RREB1: variants seen among roughly 807,000 people sequenced by gnomAD.
RREB1 encodes ras responsive element binding protein 1, also known as ras-responsive element-binding protein 1.
RREB1 carries 27 observed loss-of-function variants against 117.8 expected under a neutral mutation model. That is an observed-to-expected ratio of 0.23 (90% CI 0.17 to 0.32). RREB1 has a LOEUF of 0.32. Ranked by LOEUF, RREB1 falls within the 10% of genes least tolerant of loss-of-function variation. The pLI is 1.00. For missense variants in RREB1, 2,577 were observed against 2,378.2 expected, an observed-to-expected ratio of 1.08 and a Z score of -1.74; for synonymous variants, 1,298 against 1,026.7, an observed-to-expected ratio of 1.26 and a Z score of -5.05.
chr6:7,214,282 A>ATG (rs1766778978), intron 8 of RREB1: 1 of 152,238 alleles, frequency 6.6e-6, no homozygotes, highest in Admixed American at 6.5e-5. Context: ...TTTACTAATA[A>ATG]TGCCCTGTGT....
rs12663866 is a variant in RREB1 at position 7,130,512 on chromosome 6, T to C, written c.-285+22452T>C. Among the ~76,000 whole-genome samples the C allele has an allele frequency of 3.9e-3, 592 of 152,286 alleles. 29 individuals carry two copies. In the East Asian group the frequency reaches 0.097, roughly 25 times the overall value. On this transcript the variant is annotated intron_variant, in intron 1 of 12. Coordinates refer to ENST00000379938, the MANE Select transcript of RREB1 (RefSeq NM_001003699.4). ...CCTGGTCTTGGGGGCATAGTGTTCT[T>C]CCCCAGAATTGCTTTTCCCAGCTGT...
At chr6:7,246,027 AAAAT>A (rs1768994658) in intron 11 of RREB1, among the ~76,000 whole-genome samples, 1 of 152,198 alleles carries the variant, frequency 6.6e-6, no homozygotes, top group South Asian at 2.1e-4. Flanking sequence ...TTGCACTGGA[AAAAT>A]AACTTATAAC....
In RREB1 at chr6:7,181,960, A is replaced by G. The variant is rs952300888; in HGVS notation, c.49A>G (p.Ile17Val). The change falls in exon 4 of 13, where the codon ATC becomes GTC. Residue 17 changes from isoleucine (I) to valine (V), a missense_variant. Coordinates refer to ENST00000379938, the MANE Select transcript of RREB1 (RefSeq NM_001003699.4). ...CTTGGAAGGTTCAGACCTATCTTCCATCAACACCATGATGTCGGCGGTCAT... is the reference window on the plus strand; with the variant it reads ...CTTGGAAGGTTCAGACCTATCTTCCGTCAACACCATGATGTCGGCGGTCAT... ...AGLEGSDLSS[I>V]NTMMSAVMSV... 8 of 1,614,100 alleles carry G rather than the reference A, an allele frequency of 5.0e-6. No homozygotes were observed. In the African/African-American group the frequency reaches 5.3e-5, roughly 11 times the overall value.
chr6:7,163,587 G>A (rs190372222), intron 1 of RREB1, among the ~76,000 whole-genome samples: 1 of 152,134 alleles, frequency 6.6e-6, no homozygotes, highest in African/African-American at 2.4e-5. Flanking sequence ...GTAGAGATGG[G>A]GTTTCACCGT....
At chr6:7,129,250 G>T (rs954425713) in intron 1 of RREB1, among the ~76,000 whole-genome samples, 8 of 152,188 alleles carry the variant, frequency 5.3e-5, no homozygotes, top group Non-Finnish European at 1.0e-4. Context: ...AAAGCAGGTT[G>T]GTTTTGAGTT....
rs753387864 is a variant in RREB1 at position 7,230,763 on chromosome 6, C to T, written c.2664C>T (p.Pro888=). The T allele has an allele frequency of 3.7e-6, 6 of 1,611,468 alleles. No individual in the cohort carries two copies. Among genetic ancestry groups the T allele is most frequent in the Non-Finnish European group, 5.1e-6 (6 of 1,178,454 alleles). ...CCCATGTCTCGATCAAGTTGGAGCCCGCCAGTAGCTTTGCGGTGGACTTCA... is the reference window on the plus strand; with the variant it reads ...CCCATGTCTCGATCAAGTTGGAGCCTGCCAGTAGCTTTGCGGTGGACTTCA... ...PPPHVSIKLE[P]ASSFAVDFNE... Residue 888 remains proline, a synonymous_variant, in exon 10 of 13, where the codon CCC becomes CCT. Transcript: ENST00000379938.
chr6:7,146,094 C>G (rs1170355171), intron 1 of RREB1, among the ~76,000 whole-genome samples: 2 of 152,022 alleles, frequency 1.3e-5, no homozygotes, highest in African/African-American at 4.8e-5. Flanking sequence ...CTATACTCCC[C>G]CCACCAACAC....
At chr6:7,112,504 T>G (rs918797013) in intron 1 of RREB1, among the ~76,000 whole-genome samples, 3 of 152,150 alleles carry the variant, frequency 2.0e-5, no homozygotes. Flanking sequence ...GATTTTTGAG[T>G]AGAAGTAGCC....
At chr6:7,200,282 A>T (rs13195451) in intron 6 of RREB1, among the ~76,000 whole-genome samples, 26,930 of 96,306 alleles carry the variant, frequency 0.28, 3,714 homozygotes, top group Non-Finnish European at 0.39. Flanking sequence ...GTGTGTGTGT[A>T]TTTTTTTTTT....
At chr6:7,182,197 T>C in intron 4 of RREB1, 115 bp downstream of exon 4, 2 of 945,348 alleles carry the variant, frequency 2.1e-6, no homozygotes, top group Non-Finnish European at 1.6e-6. Flanking sequence ...AAAACGGACA[T>C]ACCCAGAGGC....
At chr6:7,211,781 G>T in intron 8 of RREB1, 72 bp downstream of exon 8, 1 of 1,495,180 alleles carries the variant, frequency 6.7e-7, no homozygotes, top group Non-Finnish European at 9.3e-7. Context: ...CTTAAGTCCC[G>T]TTACTCCACA....
intron 1 of RREB1, among the ~76,000 whole-genome samples, chr6:7,118,374 G>A (rs1430918593): frequency 6.6e-6 from 1 of 152,164 alleles, no homozygotes; most frequent in Non-Finnish European, 1.5e-5. Context: ...GCCCGCCTTG[G>A]CCTCCCAAAG....
chr6:7,151,139 G>A (rs540122962), intron 1 of RREB1, among the ~76,000 whole-genome samples: 1 of 152,282 alleles, frequency 6.6e-6, no homozygotes, highest in East Asian at 1.9e-4. Context: ...GTGGTTCATT[G>A]TTTGTTTTAA....
At position 7,230,760 on chromosome 6, in the gene RREB1, G is replaced by A. The variant is rs763748926; in HGVS notation, c.2661G>A (p.Glu887=). The change falls in exon 10 of 13, where the codon GAG becomes GAA. Residue 887 remains glutamate (E), a synonymous_variant. Transcript: ENST00000379938. ...CTCCCCATGTCTCGATCAAGTTGGA[G>A]CCCGCCAGTAGCTTTGCGGTGGACT... ...PPPPHVSIKL[E]PASSFAVDFN... 1.6e-5 allele frequency: 25 copies of A among 1,611,188 alleles called. No individual in the cohort carries two copies. The highest frequency in any genetic ancestry group is 1.8e-5 in the Non-Finnish European group (21 of 1,178,188).
chr6:7,239,009 G>T (rs1041592057), intron 10 of RREB1, among the ~76,000 whole-genome samples: 1 of 152,206 alleles, frequency 6.6e-6, no homozygotes, highest in Non-Finnish European at 1.5e-5. Flanking sequence ...AGCCAGTGCC[G>T]GTTAAGGCTA....
chr6:7,126,730 G>T (rs1241921338), intron 1 of RREB1, among the ~76,000 whole-genome samples: 17 of 152,184 alleles, frequency 1.1e-4, no homozygotes, highest in Admixed American at 1.1e-3. Flanking sequence ...TCTGGATTAG[G>T]AGGCCAGCAT....
chr6:7,196,348 C>T (rs1344273920), intron 6 of RREB1, among the ~76,000 whole-genome samples: 1 of 150,918 alleles, frequency 6.6e-6, no homozygotes, highest in Non-Finnish European at 1.5e-5. Flanking sequence ...GAGCAACTCA[C>T]TCTATTTCCT....
At position 7,251,491 on chromosome 6, in the gene RREB1, T is replaced by C. The variant is rs1164362497; in HGVS notation, c.*2523T>C. ...TTTTTGAGGTGCAAGTTTTTTCTCT[T>C]TTTTTTTTTTTTTTTTTTTTCTCAT... is the stretch of plus-strand genomic sequence containing the variant. On this transcript the variant is annotated 3_prime_UTR_variant, in exon 13 of 13. Transcript: ENST00000379938. The C allele has an allele frequency of 1.2e-5, 1 of 84,484 alleles. No individual in the cohort carries two copies. Among genetic ancestry groups the C allele is most frequent in the African/African-American group, 5.9e-5 (1 of 16,968 alleles). 5.2% of individuals were successfully genotyped at this position (84,484 alleles called of 1,614,324 possible).
chr6:7,230,674 C>T lies in RREB1; in HGVS notation c.2575C>T (p.Leu859Phe), dbSNP rs1306200062. Residue 859 changes from leucine to phenylalanine, a missense_variant, in exon 10 of 13, where the codon CTC (leucine) becomes TTC (phenylalanine). Physicochemically the swap from Leu to Phe is conservative, Grantham distance 22. Coordinates refer to ENST00000379938, the MANE Select transcript of RREB1 (RefSeq NM_001003699.4). ...GCAALGDCKP[L>F]TAFLEPQNGF... ...CGCTGCCCTTGGTGACTGCAAGCCC[C>T]TCACTGCCTTCCTGGAACCCCAGAA... 6.3e-7 allele frequency: 1 copy of T among 1,594,912 alleles called. No individual in the cohort carries two copies. Among genetic ancestry groups the T allele is most frequent in the Non-Finnish European group, 8.5e-7 (1 of 1,170,044 alleles).
Sources: gnomAD v4.1 joint callset for allele counts (sites outside exome capture counted in the v4.1 genomes callset) on GRCh38, gnomAD v4.1.1 for gene constraint, MANE v1.5 for transcripts, NCBI Gene and HGNC (gene_info 2026-07-23, HGNC 2026-07-21) for gene names.